Variants in SATB2 observed in about 807,000 individuals in gnomAD.
SATB2 encodes the protein SATB homeobox 2.
Under a neutral mutation model 73.4 loss-of-function variants are expected in SATB2, and 1 was observed. The observed-to-expected ratio is 0.01, with a 90% CI of 0.00 to 0.06. The LOEUF (loss-of-function observed/expected upper bound fraction) is 0.06, where lower values mean the gene tolerates loss of function less well. SATB2 is among the 10% of genes least tolerant of loss of function. The pLI is 1.00. For missense variants in SATB2, 459 were observed against 945.8 expected (o/e 0.49, Z 6.75); for synonymous variants, 397 against 367.0 (o/e 1.08, Z -0.93).
At chr2:199,376,549 C>T (rs1054408802) in intron 5 of SATB2, among the ~76,000 whole-genome samples, 2 of 152,076 alleles carry the variant, frequency 1.3e-5, no homozygotes, top group African/African-American at 4.8e-5. Flanking sequence ...CTGCAAGGCA[C>T]AGGACAGCCC....
At chr2:199,360,041 A>C (rs75793074) in intron 6 of SATB2, among the ~76,000 whole-genome samples, 3,707 of 152,306 alleles carry the variant, frequency 0.024, 85 homozygotes, top group Middle Eastern at 0.044. Flanking sequence ...TTTATAGTTA[A>C]AGTGCTTCAA....
intron 3 of SATB2, among the ~76,000 whole-genome samples, chr2:199,390,182 G>T (rs1195887648): frequency 1.3e-5 from 2 of 151,874 alleles, no homozygotes; most frequent in Non-Finnish European, 2.9e-5. Flanking sequence ...TTAATTTTCA[G>T]AATTCCAGTT....
intron 3 of SATB2, among the ~76,000 whole-genome samples, chr2:199,400,710 T>C (rs776732685): frequency 1.6e-4 from 24 of 152,210 alleles, no homozygotes; most frequent in Non-Finnish European, 2.8e-4. Flanking sequence ...GGTGTTATCA[T>C]GACATTTTGC....
intron 6 of SATB2, among the ~76,000 whole-genome samples, chr2:199,350,336 T>C (rs1394027926): frequency 1.3e-5 from 2 of 151,394 alleles, no homozygotes; most frequent in African/African-American, 4.8e-5. Flanking sequence ...GACAGAATCA[T>C]GGTTTTATAA....
intron 10 of SATB2, among the ~76,000 whole-genome samples, chr2:199,277,033 C>A (rs754359375): frequency 3.9e-5 from 6 of 152,020 alleles, no homozygotes; most frequent in Non-Finnish European, 7.4e-5. Context: ...GACTTACTGT[C>A]GAGTGAAAGA....
At chr2:199,369,585 T>C (rs1228964960) in intron 5 of SATB2, among the ~76,000 whole-genome samples, 1 of 152,190 alleles carries the variant, frequency 6.6e-6, no homozygotes, top group Non-Finnish European at 1.5e-5. Context: ...TTTTTTATTT[T>C]GTCCTGTGCA....
intron 10 of SATB2, among the ~76,000 whole-genome samples, chr2:199,274,287 G>GCCA (rs1692246468): frequency 6.6e-6 from 1 of 151,782 alleles, no homozygotes; most frequent in Non-Finnish European, 1.5e-5. Context: ...CACCTTTCCT[G>GCCA]CCACCACCAC....
intron 6 of SATB2, among the ~76,000 whole-genome samples, chr2:199,362,980 C>A (rs932820661): frequency 3.3e-5 from 5 of 152,144 alleles, no homozygotes; most frequent in East Asian, 1.9e-4. Flanking sequence ...AAGCTCATTT[C>A]TTTTAATCTA....
intron 10 of SATB2, among the ~76,000 whole-genome samples, chr2:199,290,460 G>A (rs901428981): frequency 6.6e-6 from 1 of 152,174 alleles, no homozygotes; most frequent in African/African-American, 2.4e-5. Context: ...TACACAGACT[G>A]AAAGTCATCC....
intron 2 of SATB2, among the ~76,000 whole-genome samples, chr2:199,449,957 T>C (rs1692075440): frequency 6.6e-6 from 1 of 152,152 alleles, no homozygotes; most frequent in Admixed American, 6.6e-5. Flanking sequence ...CTTCATTTTT[T>C]TGAGTTAAGC....
intron 5 of SATB2, among the ~76,000 whole-genome samples, chr2:199,376,640 G>T (rs1015676060): frequency 3.3e-5 from 5 of 152,126 alleles, no homozygotes; most frequent in African/African-American, 1.2e-4. Flanking sequence ...ATATTATGCT[G>T]AATGCTGTGG....
intron 8 of SATB2, chr2:199,325,964 A>C (rs1181389270): frequency 1.3e-5 from 2 of 152,202 alleles, no homozygotes; most frequent in East Asian, 1.9e-4. Context: ...GTATAATTTC[A>C]AATTTCAAAT....
At position 199,290,719 on chromosome 2, in the gene SATB2, T is replaced by C. The variant is rs771516782; in HGVS notation, c.1740+18041A>G. Among the ~76,000 whole-genome samples the C allele has an allele frequency of 4.6e-5, 7 of 152,174 alleles. No individual in the cohort carries two copies. The East Asian group carries it at 5.8e-4, about 13-fold the overall frequency. On this transcript the variant is annotated intron_variant, in intron 10 of 10. Coordinates refer to ENST00000417098, the MANE Select transcript of SATB2 (RefSeq NM_001172509.2). ...GAAAATTATTAACACTCAAGAAATA[T>C]ATAGGATATTCCTATTCTCAGGGAT...
intron 7 of SATB2, among the ~76,000 whole-genome samples, chr2:199,329,700 A>G (rs1353557429): frequency 6.6e-6 from 1 of 152,170 alleles, no homozygotes; most frequent in African/African-American, 2.4e-5. Context: ...ACTCACCCAA[A>G]TAGAAAGATT....
intron 3 of SATB2, among the ~76,000 whole-genome samples, chr2:199,413,792 A>C (rs1428076810): frequency 5.9e-5 from 9 of 152,084 alleles, no homozygotes; most frequent in Non-Finnish European, 1.3e-4. Context: ...CTGGAGATCC[A>C]GCAGCCATTT....
intron 10 of SATB2, among the ~76,000 whole-genome samples, chr2:199,307,437 G>A (rs1428247979): frequency 3.9e-5 from 6 of 152,010 alleles, no homozygotes; most frequent in Non-Finnish European, 5.9e-5. Context: ...ATGAGACTTC[G>A]GTCAGAAAAG....
At chr2:199,390,722 C>G (rs1011030985) in intron 3 of SATB2, among the ~76,000 whole-genome samples, 2 of 152,188 alleles carry the variant, frequency 1.3e-5, no homozygotes, top group Non-Finnish European at 2.9e-5. Context: ...CTTTCACATC[C>G]TCATTAATTA....
At chr2:199,469,515 GA>G (rs1376713607), upstream of SATB2, 4 of 120,150 alleles carry the variant, frequency 3.3e-5, no homozygotes, top group Non-Finnish European at 7.0e-5. Context: ...AACCAAAAAA[GA>G]AAAGAAGAAA....
chr2:199,382,915 G>C (rs527857022), intron 3 of SATB2, among the ~76,000 whole-genome samples: 2 of 152,196 alleles, frequency 1.3e-5, no homozygotes, highest in South Asian at 4.2e-4. Flanking sequence ...ATCAAAGAGA[G>C]AAAACACCTG....
Sources: allele counts gnomAD v4.1 joint callset (sites outside exome capture counted in the v4.1 genomes callset), GRCh38; gene constraint gnomAD v4.1.1; transcripts MANE v1.5; gene names NCBI Gene and HGNC (gene_info 2026-07-23, HGNC 2026-07-21).